The following HEMK2 variants were observed in gnomAD, a reference collection of about 807,000 sequenced individuals.
HEMK2 encodes methyltransferase HEMK2.
the HEMK2 span, among the ~76,000 whole-genome samples, chr21:28,604,452 C>T: frequency 6.6e-6 from 1 of 152,268 alleles, no homozygotes; most frequent in Non-Finnish European, 1.5e-5. Flanking sequence ...CTGCCTGTCA[C>T]AGGAGTAGTT....
chr21:28,628,330 T>C, the HEMK2 span, among the ~76,000 whole-genome samples: 1 of 152,210 alleles, frequency 6.6e-6, no homozygotes, highest in African/African-American at 2.4e-5. Flanking sequence ...GATATGGTTT[T>C]AATTGATCTT....
the HEMK2 span, among the ~76,000 whole-genome samples, chr21:28,809,455 G>C: frequency 6.6e-6 from 1 of 152,148 alleles, no homozygotes; most frequent in Non-Finnish European, 1.5e-5. Flanking sequence ...GAAAGGTTGA[G>C]CTCTGAGAGG....
the HEMK2 span, among the ~76,000 whole-genome samples, chr21:28,616,594 C>T: frequency 7.9e-5 from 12 of 152,294 alleles, no homozygotes; most frequent in African/African-American, 2.2e-4. Context: ...TGCTGAAATG[C>T]TAGCCTACGC....
chr21:28,621,772 A>G, the HEMK2 span, among the ~76,000 whole-genome samples: 2 of 152,178 alleles, frequency 1.3e-5, no homozygotes, highest in South Asian at 2.1e-4. Context: ...ATAAATCACA[A>G]TGGTGGAATG....
the HEMK2 span, among the ~76,000 whole-genome samples, chr21:28,583,609 G>C: frequency 6.6e-6 from 1 of 152,178 alleles, no homozygotes; most frequent in Non-Finnish European, 1.5e-5. Context: ...GTGCTCAAGA[G>C]TGTCTCATCA....
At chr21:28,712,944 C>T in the HEMK2 span, among the ~76,000 whole-genome samples, 33 of 152,224 alleles carry the variant, frequency 2.2e-4, no homozygotes, top group African/African-American at 7.9e-4. Flanking sequence ...TACATACATA[C>T]GAATATGATG....
the HEMK2 span, among the ~76,000 whole-genome samples, chr21:28,726,737 A>G: frequency 7.9e-5 from 12 of 152,114 alleles, no homozygotes; most frequent in Admixed American, 7.9e-4. Flanking sequence ...TCAAAACCCC[A>G]TCTCTACTAA....
At chr21:28,731,859 G>A in the HEMK2 span, among the ~76,000 whole-genome samples, 13 of 151,954 alleles carry the variant, frequency 8.6e-5, no homozygotes, top group South Asian at 2.5e-3. Flanking sequence ...AAGCTGTCTG[G>A]GAACTCTGCA....
chr21:28,747,631 T>C, the HEMK2 span, among the ~76,000 whole-genome samples: 2 of 152,226 alleles, frequency 1.3e-5, no homozygotes, highest in African/African-American at 4.8e-5. Flanking sequence ...CTGAAAATGT[T>C]AGGAGTCAAA....
At chr21:28,683,739 T>C in the HEMK2 span, among the ~76,000 whole-genome samples, 1 of 152,106 alleles carries the variant, frequency 6.6e-6, no homozygotes. Context: ...GCACAGCATA[T>C]TGTAAAAAAT....
chr21:28,863,317 G>C, the HEMK2 span, among the ~76,000 whole-genome samples: 2 of 150,046 alleles, frequency 1.3e-5, no homozygotes, highest in Non-Finnish European at 3.0e-5. Context: ...CCTCAGTTTT[G>C]GAACTTGGAC....
chr21:28,790,684 T>C, the HEMK2 span, among the ~76,000 whole-genome samples: 1 of 151,816 alleles, frequency 6.6e-6, no homozygotes, highest in South Asian at 2.1e-4. Flanking sequence ...AAAATATTAA[T>C]GAAGGAAAAA....
the HEMK2 span, among the ~76,000 whole-genome samples, chr21:28,833,447 C>T: frequency 6.6e-5 from 10 of 152,186 alleles, no homozygotes; most frequent in African/African-American, 2.4e-4. Context: ...CCAGTAATGG[C>T]AGTTACATAA....
chr21:28,665,649 T>C, the HEMK2 span, among the ~76,000 whole-genome samples: 1 of 151,620 alleles, frequency 6.6e-6, no homozygotes, highest in Non-Finnish European at 1.5e-5. Flanking sequence ...GACTGTAAAC[T>C]AGTTCAACCA....
the HEMK2 span, among the ~76,000 whole-genome samples, chr21:28,621,501 A>T: frequency 6.6e-6 from 1 of 152,120 alleles, no homozygotes; most frequent in Non-Finnish European, 1.5e-5. Flanking sequence ...AGACCACCAA[A>T]CAGGCTTTGT....
chr21:28,583,728 G>A, the HEMK2 span, among the ~76,000 whole-genome samples: 2 of 152,132 alleles, frequency 1.3e-5, no homozygotes, highest in African/African-American at 4.8e-5. Context: ...TGCCCAAATT[G>A]TGCAGCATTG....
At chr21:28,704,630 A>G in the HEMK2 span, among the ~76,000 whole-genome samples, 1 of 151,924 alleles carries the variant, frequency 6.6e-6, no homozygotes, top group African/African-American at 2.4e-5. Flanking sequence ...TTGAATGGAC[A>G]CAGAAGGGAA....
chr21:28,678,604 A>G, the HEMK2 span, among the ~76,000 whole-genome samples: 6 of 152,196 alleles, frequency 3.9e-5, no homozygotes, highest in African/African-American at 1.2e-4. Flanking sequence ...AGATTCACCA[A>G]AGTTGAAATG....
the HEMK2 span, among the ~76,000 whole-genome samples, chr21:28,696,975 AC>A: frequency 1.2e-4 from 18 of 151,386 alleles, no homozygotes; most frequent in African/African-American, 4.4e-4. Flanking sequence ...GAGGCTGCAC[AC>A]AGCAGGGGAG....
Sources: gnomAD v4.1 joint callset for allele counts (sites outside exome capture counted in the v4.1 genomes callset) on GRCh38, gnomAD v4.1.1 for gene constraint, MANE v1.5 for transcripts, NCBI Gene and HGNC (gene_info 2026-07-23, HGNC 2026-07-21) for gene names.